SETD9: variants seen among roughly 807,000 people sequenced by gnomAD.
SETD9 encodes SET domain-containing protein 9.
Under a neutral mutation model 36.4 loss-of-function variants are expected in SETD9, and 37 were observed. The observed-to-expected ratio is 1.02, with a 90% CI of 0.78 to 1.34. SETD9 has a LOEUF of 1.34. Ranked by LOEUF, SETD9 falls within the 40% of genes most tolerant of loss-of-function variation. The pLI is 0.00. For synonymous variants in SETD9, 128 were observed against 132.9 expected, an observed-to-expected ratio of 0.96 and a Z score of 0.26; for missense variants, 323 against 353.2, an observed-to-expected ratio of 0.91 and a Z score of 0.69.
intron 1 of SETD9, 192 bp downstream of exon 1, chr5:56,909,935 G>A: frequency 9.2e-7 from 1 of 1,092,082 alleles, no homozygotes; most frequent in Non-Finnish European, 1.3e-6. Context: ...AAGGAACGCG[G>A]GCCAGAGGCG....
At chr5:56,909,276 G>A (rs1033146122), upstream of SETD9, 69 of 187,096 alleles carry the variant, frequency 3.7e-4, no homozygotes, top group African/African-American at 1.5e-3. Flanking sequence ...CCGTGACAGA[G>A]AAACTAGGCG....
chr5:56,922,805 A>G (rs1749735643), intron 5 of SETD9: 2 of 277,964 alleles, frequency 7.2e-6, no homozygotes, highest in African/African-American at 2.2e-5. Flanking sequence ...ATTGGGAGTG[A>G]GGGCAGTGGG....
At chr5:56,913,747 C>T (rs910613652) in intron 3 of SETD9, 127 bp from the exon 4 acceptor site, 83 of 608,848 alleles carry the variant, frequency 1.4e-4, no homozygotes, top group Non-Finnish European at 4.8e-5. Context: ...AGTTGCCCTA[C>T]TGATTATACT....
At chr5:56,919,025 ATCTG>A (rs894585500), downstream of SETD9, among the ~76,000 whole-genome samples, 15 of 152,014 alleles carry the variant, frequency 9.9e-5, no homozygotes, top group East Asian at 3.9e-4. Flanking sequence ...CAAATTTCAG[ATCTG>A]TCTGTCTTCA....
chr5:56,925,148 C>T (rs1749900682), intron 5 of SETD9, among the ~76,000 whole-genome samples: 2 of 152,230 alleles, frequency 1.3e-5, no homozygotes, highest in South Asian at 2.1e-4. Context: ...ATCCAGACTT[C>T]TTTAAAAATG....
At chr5:56,924,974 G>A (rs548036410) in intron 5 of SETD9, among the ~76,000 whole-genome samples, 28 of 152,290 alleles carry the variant, frequency 1.8e-4, no homozygotes, top group South Asian at 4.1e-4. Context: ...TGCAGGCTTC[G>A]TGGGGCTACA....
rs776149823 is a variant in SETD9 at position 56,916,825 on chromosome 5, T to C, written c.823T>C (p.Cys275Arg). ...YSYDKQSPLR[C>R]VVLVALRDIN... is the part of the protein sequence containing the mutation. ...TCTTTTTGTTTTCAGCCCACTTCGA[T>C]GTGTTGTTCTTGTCGCACTTAGGGA... The change falls in exon 6 of 6, where the codon TGT (cysteine) becomes CGT (arginine). Residue 275 changes from cysteine (C) to arginine (R), a missense_variant. Cys to Arg is a radical substitution (Grantham distance 180). Coordinates refer to ENST00000285947, the MANE Select transcript of SETD9 (RefSeq NM_153706.4). 29 of 1,603,986 alleles carry C rather than the reference T, an allele frequency of 1.8e-5. No homozygotes were observed. Among genetic ancestry groups the C allele is most frequent in the South Asian group, 2.3e-5 (2 of 87,650 alleles).
At chr5:56,910,180 T>A in intron 1 of SETD9, 2 of 1,239,600 alleles carry the variant, frequency 1.6e-6, no homozygotes, top group South Asian at 2.8e-5. Flanking sequence ...CCTTACCGCG[T>A]GAGAGTGCGT....
intron 5 of SETD9, chr5:56,923,589 A>C (rs1479409469): frequency 6.2e-7 from 1 of 1,611,838 alleles, no homozygotes; most frequent in East Asian, 2.2e-5. Context: ...GTCAAAGCTA[A>C]AAAGGAATGG....
Position 56,914,982 on chromosome 5 carries a change from G to T in SETD9, c.812+16G>T. On this transcript the variant is annotated intron_variant, in intron 5 of 5. Coordinates refer to ENST00000285947, the MANE Select transcript of SETD9 (RefSeq NM_153706.4). ...ACAAACAAAGGTTCGTTTGCTAAAA[G>T]AGCATTTCATATCTTCTGCTTATGC... 6.4e-7 allele frequency: 1 copy of T among 1,561,298 alleles called. No homozygotes were observed. Among genetic ancestry groups the T allele is most frequent in the Non-Finnish European group, 8.8e-7 (1 of 1,141,154 alleles).
downstream of SETD9, chr5:56,928,316 C>G (rs1196800236): frequency 6.6e-6 from 1 of 152,568 alleles, no homozygotes; most frequent in Non-Finnish European, 1.5e-5. Flanking sequence ...TGCATTCCTA[C>G]AGGCAATGAA....
chr5:56,923,191 G>T, intron 5 of SETD9: 8 of 1,614,086 alleles, frequency 5.0e-6, no homozygotes, highest in Non-Finnish European at 6.8e-6. Flanking sequence ...CATTGGTCTC[G>T]TTGGCAGAGA....
chr5:56,924,006 AG>A, intron 5 of SETD9: 1 of 1,614,056 alleles, frequency 6.2e-7, no homozygotes, highest in South Asian at 1.1e-5. Flanking sequence ...CACATATAGT[AG>A]AATGCTACAC....
intron 1 of SETD9, chr5:56,910,067 C>T: frequency 4.7e-6 from 6 of 1,276,776 alleles, no homozygotes; most frequent in Non-Finnish European, 4.0e-6. Flanking sequence ...CCCGCGAGGC[C>T]GAGCTCGCCA....
At position 56,913,932 on chromosome 5, in the gene SETD9, AC is replaced by A; in HGVS notation, c.650del (p.Thr217SerfsTer38). The A allele has an allele frequency of 6.2e-7, 1 of 1,614,074 alleles. No homozygotes were observed. Among genetic ancestry groups the A allele is most frequent in the Non-Finnish European group, 8.5e-7 (1 of 1,179,938 alleles). On this transcript the variant is annotated frameshift_variant, in exon 4 of 6. Transcript: ENST00000285947. LOFTEE classifies it high-confidence loss of function. ...PLKMSDSTWL[T>X]SEIHNPLAVG... is the part of the protein sequence containing the mutation. ...AAAAATGAGTGATAGTACATGGCTAACGTCAGAAATTCATAACCCTCTGGCT... is the reference window on the plus strand; with the variant it reads ...AAAAATGAGTGATAGTACATGGCTAAGTCAGAAATTCATAACCCTCTGGCT...
chr5:56,923,619 G>T (rs1266796602), intron 5 of SETD9: 1 of 1,612,452 alleles, frequency 6.2e-7, no homozygotes, highest in Non-Finnish European at 8.5e-7. Flanking sequence ...TAAGTAAGTG[G>T]TCCTATGACA....
Position 56,913,133 on chromosome 5 carries a change from A to G in SETD9, c.589A>G (p.Arg197Gly). 1 of 1,613,808 alleles carries G rather than the reference A, an allele frequency of 6.2e-7. No individual in the cohort carries two copies. Among genetic ancestry groups the G allele is most frequent in the Non-Finnish European group, 8.5e-7 (1 of 1,179,902 alleles). The change falls in exon 3 of 6, where the codon AGA becomes GGA. Residue 197 changes from arginine (R) to glycine (G), a missense_variant and splice_region_variant. By Grantham distance (125) the Arg-to-Gly change is moderately radical. Coordinates refer to ENST00000285947, the MANE Select transcript of SETD9 (RefSeq NM_153706.4). ...NDKGISKVVY[R>G]SCNGRDRLGP... is the part of the protein sequence containing the mutation. ...CAAAGGGATATCAAAAGTTGTGTACAGGTAAGTGATGCCCATGTTCAAATT... is the reference window on the plus strand; with the variant it reads ...CAAAGGGATATCAAAAGTTGTGTACGGGTAAGTGATGCCCATGTTCAAATT...
At chr5:56,925,557 G>A, downstream of SETD9, 1 of 212,420 alleles carries the variant, frequency 4.7e-6, no homozygotes, top group South Asian at 5.9e-5. Context: ...CAAAATATAT[G>A]CAAAATCTGT....
At chr5:56,910,252 G>A (rs748515466) in intron 1 of SETD9, 24 of 1,301,440 alleles carry the variant, frequency 1.8e-5, no homozygotes, top group Non-Finnish European at 2.2e-5. Context: ...CCAAGCCAGG[G>A]TTTATTTTCA....
Sources: allele counts gnomAD v4.1 joint callset (sites outside exome capture counted in the v4.1 genomes callset), GRCh38; gene constraint gnomAD v4.1.1; transcripts MANE v1.5; gene names NCBI Gene and HGNC (gene_info 2026-07-23, HGNC 2026-07-21).